Variants in PICALM observed in about 807,000 individuals in gnomAD.
The protein encoded by PICALM is phosphatidylinositol binding clathrin assembly protein, also known as phosphatidylinositol-binding clathrin assembly protein.
PICALM carries 40 observed loss-of-function variants against 80.5 expected under a neutral mutation model. The ratio of observed to expected loss-of-function variants is 0.50; its 90% CI spans 0.39 to 0.65. The LOEUF is 0.65. PICALM is among the 30% of genes least tolerant of loss of function. The probability of loss-of-function intolerance (pLI) is 0.00; values close to 1 mark genes in which losing one functional copy is unlikely to be tolerated. For synonymous variants in PICALM, 288 were observed against 260.3 expected (o/e 1.11, Z -1.02); for missense variants, 676 against 778.9 (o/e 0.87, Z 1.57).
chr11:85,982,152 T>G, intron 14 of PICALM, 149 bp from the exon 15 acceptor site: 2 of 652,316 alleles, frequency 3.1e-6, no homozygotes, highest in Non-Finnish European at 5.3e-6. Context: ...AAATGGAAAA[T>G]GAAGAAAGTC....
At chr11:86,000,805 G>A (rs1400151317) in intron 10 of PICALM, 26 bp from the exon 11 acceptor site, 3 of 1,599,182 alleles carry the variant, frequency 1.9e-6, no homozygotes, top group Non-Finnish European at 1.7e-6. Context: ...ACTACCATAA[G>A]GATTCCAGAA....
intron 17 of PICALM, among the ~76,000 whole-genome samples, chr11:85,979,725 G>A (rs2094385248): frequency 6.6e-6 from 1 of 152,172 alleles, no homozygotes; most frequent in Non-Finnish European, 1.5e-5. Context: ...AAACAGGGCA[G>A]TGCTCTGGAA....
chr11:86,026,548 G>C (rs543819971), intron 2 of PICALM, among the ~76,000 whole-genome samples, 181 bp from the exon 3 acceptor site: 2 of 152,090 alleles, frequency 1.3e-5, no homozygotes, highest in South Asian at 4.2e-4. Flanking sequence ...TTTTTCACTA[G>C]CATGCGAGAA....
At chr11:86,068,591 A>C in intron 1 of PICALM, 60 bp downstream of exon 1, 12 of 1,515,070 alleles carry the variant, frequency 7.9e-6, no homozygotes, top group Middle Eastern at 4.3e-4. Flanking sequence ...AGAGAGAGAG[A>C]AGGACGCGCG....
At chr11:86,059,775 C>G (rs1400183866) in intron 1 of PICALM, among the ~76,000 whole-genome samples, 3 of 151,856 alleles carry the variant, frequency 2.0e-5, no homozygotes, top group African/African-American at 7.3e-5. Context: ...TCCAAGGAAT[C>G]ATATGTGCAA....
intron 19 of PICALM, among the ~76,000 whole-genome samples, chr11:85,972,569 G>A (rs1189003932): frequency 1.3e-5 from 2 of 152,138 alleles, no homozygotes; most frequent in East Asian, 1.9e-4. Context: ...CAAGCTTAAG[G>A]TAGCAATATA....
chr11:85,977,323 C>T (rs989501243), intron 17 of PICALM, among the ~76,000 whole-genome samples: 4 of 152,138 alleles, frequency 2.6e-5, no homozygotes, highest in Non-Finnish European at 5.9e-5. Flanking sequence ...TCAGTTTATG[C>T]TTTCATGTTT....
Position 86,000,764 on chromosome 11 carries a change from C to G in PICALM, c.1033G>C (p.Glu345Gln). 1.9e-6 allele frequency: 3 copies of G among 1,612,950 alleles called. No homozygotes were observed. Among genetic ancestry groups the G allele is most frequent in the Non-Finnish European group, 2.5e-6 (3 of 1,179,884 alleles). ...LKALKEQRLK[E>Q]LAKKPHTSLT... ...GAGGTATGAGGTTTCTTTGCAAGTT[C>G]TTTTAGGCGCTGTTCCTGTTAAGAA... is the stretch of plus-strand genomic sequence containing the variant. Residue 345 changes from glutamate to glutamine, a missense_variant, in exon 11 of 20, where the codon GAA becomes CAA. Glu to Gln is a conservative substitution (Grantham distance 29). Transcript: ENST00000393346.
intron 8 of PICALM, 56 bp downstream of exon 8, chr11:86,007,486 C>T: frequency 2.0e-6 from 2 of 980,432 alleles, no homozygotes; most frequent in Non-Finnish European, 3.3e-6. Flanking sequence ...TATCTTAATA[C>T]TCTTCACAAC....
At chr11:85,980,254 T>C (rs1022464299) in intron 17 of PICALM, among the ~76,000 whole-genome samples, 20 of 152,254 alleles carry the variant, frequency 1.3e-4, no homozygotes, top group African/African-American at 4.3e-4. Flanking sequence ...AGAAGGAGGA[T>C]GGGGAGTCCA....
chr11:86,066,601 T>C (rs796701096), intron 1 of PICALM, among the ~76,000 whole-genome samples: 10 of 152,268 alleles, frequency 6.6e-5, no homozygotes, highest in African/African-American at 2.2e-4. Flanking sequence ...TTTTTGACAA[T>C]GCTTTAAAAG....
chr11:86,018,329 A>G (rs642949), intron 4 of PICALM, among the ~76,000 whole-genome samples: 58,138 of 152,030 alleles, frequency 0.38, 11,415 homozygotes, highest in East Asian at 0.6. Context: ...ATATGAACGC[A>G]TTTTTCATGA....
intron 8 of PICALM, 102 bp downstream of exon 8, chr11:86,007,440 C>T: frequency 1.5e-6 from 1 of 688,376 alleles, no homozygotes; most frequent in Non-Finnish European, 2.7e-6. Flanking sequence ...TCAAAAACTG[C>T]ATTGATCCCT....
chr11:86,046,651 G>A (rs2096075669), intron 1 of PICALM, among the ~76,000 whole-genome samples: 2 of 152,162 alleles, frequency 1.3e-5, no homozygotes, highest in Admixed American at 6.5e-5. Context: ...CAACTGGGAA[G>A]TGTTACCATA....
chr11:85,989,066 A>C (rs1259981465), intron 13 of PICALM, among the ~76,000 whole-genome samples: 1 of 152,204 alleles, frequency 6.6e-6, no homozygotes, highest in African/African-American at 2.4e-5. Context: ...CAAGCTACCT[A>C]TTACACTGAT....
chr11:85,988,196 T>C (rs1001644476), intron 13 of PICALM, among the ~76,000 whole-genome samples: 26 of 152,166 alleles, frequency 1.7e-4, no homozygotes, highest in East Asian at 7.7e-4. Context: ...TGGAAAGACA[T>C]AGATAATACA....
At chr11:86,035,425 C>T (rs917403890) in intron 1 of PICALM, among the ~76,000 whole-genome samples, 1 of 152,180 alleles carries the variant, frequency 6.6e-6, no homozygotes, top group Non-Finnish European at 1.5e-5. Context: ...TACATCAAAA[C>T]CACACTGATA....
intron 4 of PICALM, among the ~76,000 whole-genome samples, chr11:86,018,378 T>C (rs993606364): frequency 2.0e-5 from 3 of 152,212 alleles, no homozygotes; most frequent in African/African-American, 7.2e-5. Context: ...GCCAATAATT[T>C]AGTATAACTT....
At chr11:85,993,375 T>C (rs576607457) in intron 12 of PICALM, among the ~76,000 whole-genome samples, 21 of 151,950 alleles carry the variant, frequency 1.4e-4, no homozygotes, top group Non-Finnish European at 2.2e-4. Flanking sequence ...TGTGAGCCAC[T>C]GCACCCAGTC....
Sources: allele counts gnomAD v4.1 joint callset (sites outside exome capture counted in the v4.1 genomes callset), GRCh38; gene constraint gnomAD v4.1.1; transcripts MANE v1.5; gene names NCBI Gene and HGNC (gene_info 2026-07-23, HGNC 2026-07-21).